The following PDILT variants were observed in gnomAD, a reference collection of about 807,000 sequenced individuals.
PDILT encodes protein disulfide isomerase like, testis expressed.
PDILT carries 43 observed loss-of-function variants against 53.7 expected under a neutral mutation model. The ratio of observed to expected loss-of-function variants is 0.80; its 90% CI spans 0.63 to 1.03. The LOEUF (loss-of-function observed/expected upper bound fraction) is 1.03, where lower values mean the gene tolerates loss of function less well. PDILT is among the 50% of genes least tolerant of loss of function. The pLI, the probability that PDILT is intolerant of heterozygous loss-of-function variation, is 0.00. For synonymous variants in PDILT, 282 were observed against 274.2 expected (o/e 1.03, Z -0.28); for missense variants, 727 against 712.3 (o/e 1.02, Z -0.24).
At chr16:20,404,435 A>G (rs1011406648) in intron 1 of PDILT, 61 bp downstream of exon 1, 8 of 152,230 alleles carry the variant, frequency 5.3e-5, no homozygotes, top group African/African-American at 1.9e-4. Context: ...CTCCTGGTAG[A>G]GAAAAGCCTC....
At chr16:20,391,331 A>T (rs1381302179) in intron 2 of PDILT, among the ~76,000 whole-genome samples, 6 of 151,666 alleles carry the variant, frequency 4.0e-5, no homozygotes, top group Admixed American at 3.9e-4. Flanking sequence ...ATTAATAATC[A>T]TTACCATCAC....
chr16:20,366,491 A>T (rs1416381838), intron 8 of PDILT, among the ~76,000 whole-genome samples: 4 of 152,126 alleles, frequency 2.6e-5, no homozygotes, highest in Non-Finnish European at 5.9e-5. Flanking sequence ...CACGTTTACT[A>T]TTTATATTTA....
rs1966086544 is a variant in PDILT, at chr16:20,360,622, G to T, written c.1452C>A (p.Gly484=). 2 of 1,614,114 alleles carry T rather than the reference G, an allele frequency of 1.2e-6. No individual in the cohort carries two copies. Among genetic ancestry groups the T allele is most frequent in the East Asian group, 4.5e-5 (2 of 44,882 alleles). Residue 484 remains glycine (G), a synonymous_variant, in exon 11 of 12, where the codon GGC becomes GGA. Transcript: ENST00000302451. ...VLYKGEHTLK[G]FSDFLESHIK... is the part of the protein sequence containing the mutation. ...TGTGGCTTTCCAGGAAGTCAGAGAA[G>T]CCCTTCAGGGTGTGTTCTCCCTTAT...
At chr16:20,367,075 C>CTTTG in intron 8 of PDILT, among the ~76,000 whole-genome samples, 1 of 121,784 alleles carries the variant, frequency 8.2e-6, no homozygotes, top group East Asian at 2.2e-4. Context: ...TTCTTTCTTT[C>CTTTG]TTTCTTTCTT....
intron 3 of PDILT, 51 bp downstream of exon 3, chr16:20,384,594 A>G (rs777751507): frequency 6.2e-7 from 1 of 1,606,644 alleles, no homozygotes; most frequent in South Asian, 1.1e-5. Flanking sequence ...TATAGCTGTT[A>G]AGTGGACTTT....
intron 2 of PDILT, among the ~76,000 whole-genome samples, chr16:20,389,444 T>C (rs1176835842): frequency 6.6e-6 from 1 of 152,226 alleles, no homozygotes; most frequent in African/African-American, 2.4e-5. Context: ...GGAGACTCTT[T>C]GGTCTTGCTC....
At chr16:20,384,574 A>G in intron 3 of PDILT, 71 bp downstream of exon 3, 1 of 1,578,744 alleles carries the variant, frequency 6.3e-7, no homozygotes, top group South Asian at 1.1e-5. Context: ...AGAGCCTCCC[A>G]CCTTTACCCT....
intron 8 of PDILT, among the ~76,000 whole-genome samples, chr16:20,367,079 CTTTCTTTCT>C (rs1596580653): frequency 1.3e-4 from 16 of 120,278 alleles, no homozygotes; most frequent in Non-Finnish European, 2.4e-4. Context: ...TTCTTTCTTT[CTTTCTTTCT>C]TTCTTTCTTT....
At chr16:20,400,205 G>A (rs975313404) in intron 1 of PDILT, among the ~76,000 whole-genome samples, 1 of 151,882 alleles carries the variant, frequency 6.6e-6, no homozygotes, top group Non-Finnish European at 1.5e-5. Flanking sequence ...CTCCCAAGTA[G>A]TTGAGATTAC....
In PDILT at chr16:20,359,451, C is replaced by T; in HGVS notation, c.1623G>A (p.Met541Ile). 1 of 1,614,136 alleles carries T rather than the reference C, an allele frequency of 6.2e-7. No homozygotes were observed. Among genetic ancestry groups the T allele is most frequent in the Non-Finnish European group, 8.5e-7 (1 of 1,180,040 alleles). Residue 541 changes from methionine (M) to isoleucine (I), a missense_variant, in exon 12 of 12, where the codon ATG becomes ATA. Physicochemically the swap from Met to Ile is conservative, Grantham distance 10. Coordinates refer to ENST00000302451, the MANE Select transcript of PDILT (RefSeq NM_174924.2). Reference protein sequence around the residue: ...PEQQSPELENMTKYVSKLEEP... With the variant: ...PEQQSPELENITKYVSKLEEP... ...CTTCCAGCTTGGATACGTACTTGGT[C>T]ATGTTCTCCAGCTCAGGCGACTGCT...
intron 8 of PDILT, 43 bp from the exon 9 acceptor site, chr16:20,365,583 T>C: frequency 6.3e-7 from 1 of 1,596,282 alleles, no homozygotes. Flanking sequence ...TCATAAAGGG[T>C]CTTGAAGTTG....
Position 20,374,752 on chromosome 16 carries a change from AC to A in PDILT, c.681+69del, listed in dbSNP as rs1369387416. The A allele has an allele frequency of 3.3e-6, 5 of 1,512,086 alleles. No homozygotes were observed. The African/African-American group carries it at 7.0e-5, about 21-fold the overall frequency. 93.7% of individuals were successfully genotyped at this position (1,512,086 alleles called of 1,614,324 possible). On this transcript the variant is annotated intron_variant, in intron 5 of 11. Coordinates refer to ENST00000302451, the MANE Select transcript of PDILT (RefSeq NM_174924.2). ...CACAAGTGGCAGAACCAGAATTTGTACCCAAAGCTCATACGATTCCACTACT... is the reference window on the plus strand; with the variant it reads ...CACAAGTGGCAGAACCAGAATTTGTACCAAAGCTCATACGATTCCACTACT...
At position 20,399,755 on chromosome 16, in the gene PDILT, T is replaced by C. The variant is rs1966706709; in HGVS notation, c.-7-448A>G. 2.1e-5 allele frequency among the ~76,000 whole-genome samples: 3 copies of C among 141,756 alleles called. No homozygotes were observed. In the Admixed American group the frequency reaches 2.2e-4, roughly 10 times the overall value. 93.0% of individuals were successfully genotyped at this position (141,756 alleles called of 152,430 possible). On this transcript the variant is annotated intron_variant, in intron 1 of 11. Coordinates refer to ENST00000302451, the MANE Select transcript of PDILT (RefSeq NM_174924.2). ...CACCCTCCTCCAGCTCCTGCTTGAA[T>C]GCCCCTGTGAAGGGAAGCTCACTAC...
At chr16:20,403,003 C>T (rs186758437) in intron 1 of PDILT, among the ~76,000 whole-genome samples, 3 of 152,228 alleles carry the variant, frequency 2.0e-5, no homozygotes, top group Non-Finnish European at 1.5e-5. Flanking sequence ...CTCCCTACCC[C>T]CTACTCAGAG....
intron 1 of PDILT, among the ~76,000 whole-genome samples, chr16:20,399,621 T>C (rs1052999602): frequency 6.6e-6 from 1 of 151,900 alleles, no homozygotes; most frequent in African/African-American, 2.4e-5. Flanking sequence ...TGTGCAAAGA[T>C]AAGGTCCCAT....
At chr16:20,373,564 A>C (rs1457268735) in intron 5 of PDILT, among the ~76,000 whole-genome samples, 1 of 152,202 alleles carries the variant, frequency 6.6e-6, no homozygotes, top group Non-Finnish European at 1.5e-5. Context: ...CTGCCTCCTT[A>C]CATGTTTTAA....
chr16:20,384,878 A>G (rs746334688), intron 2 of PDILT, 27 bp from the exon 3 acceptor site: 1 of 1,606,996 alleles, frequency 6.2e-7, no homozygotes, highest in East Asian at 2.2e-5. Flanking sequence ...ACAAAATTTG[A>G]GAGGCCTTTC....
intron 2 of PDILT, among the ~76,000 whole-genome samples, chr16:20,386,178 C>T (rs1350686335): frequency 6.6e-6 from 1 of 152,014 alleles, no homozygotes; most frequent in African/African-American, 2.4e-5. Flanking sequence ...CTGGGGAAGC[C>T]CTTTTCTGGA....
At chr16:20,366,316 C>T (rs1966191136) in intron 8 of PDILT, among the ~76,000 whole-genome samples, 1 of 152,078 alleles carries the variant, frequency 6.6e-6, no homozygotes, top group African/African-American at 2.4e-5. Flanking sequence ...GGCTGACAGG[C>T]CTCCCCACTC....
Sources: allele counts gnomAD v4.1 joint callset (sites outside exome capture counted in the v4.1 genomes callset), GRCh38; gene constraint gnomAD v4.1.1; transcripts MANE v1.5; gene names NCBI Gene and HGNC (gene_info 2026-07-23, HGNC 2026-07-21).